The following MRPL2 variants were observed in gnomAD, a reference collection of about 807,000 sequenced individuals.
MRPL2 encodes the protein large ribosomal subunit protein uL2m.
In MRPL2, 27 loss-of-function variants were observed where a neutral mutation model predicts 34.6. The ratio of observed to expected loss-of-function variants is 0.78; its 90% CI spans 0.58 to 1.08. MRPL2 has a LOEUF of 1.08. Among genes scored for constraint, MRPL2 ranks in the 50% least tolerant of loss-of-function variants. The pLI is 0.00. For missense variants in MRPL2, 414 were observed against 419.3 expected, an observed-to-expected ratio of 0.99 and a Z score of 0.11; for synonymous variants, 155 against 158.0, an observed-to-expected ratio of 0.98 and a Z score of 0.14.
In MRPL2 at chr6:43,054,476, G is replaced by A; in HGVS notation, c.716C>T (p.Thr239Met). 2.5e-6 allele frequency: 4 copies of A among 1,614,062 alleles called. No individual in the cohort carries two copies. Among genetic ancestry groups the A allele is most frequent in the South Asian group, 1.1e-5 (1 of 91,074 alleles). ...PSKRQMQVLE[T>M]CVATVGRVSN... The stretch of plus-strand genomic sequence containing the variant: ...TACTCGGCCTACTGTTGCTACGCAC[G>A]TTTCCAGCACCTGACAGAGAAAACA... Residue 239 changes from threonine (T) to methionine (M), a missense_variant, in exon 7 of 7, where the codon ACG becomes ATG. Transcript: ENST00000388752.
rs201420185 is a variant in MRPL2, at chr6:43,054,357, C to T, written c.835G>A (p.Gly279Arg). 2.5e-6 allele frequency: 4 copies of T among 1,614,082 alleles called. No individual in the cohort carries two copies. The South Asian group carries it at 3.3e-5, about 13-fold the overall frequency. ...RPNSGRWHRKGGWAGRKIRPL... is the reference protein window; with the variant it reads ...RPNSGRWHRKRGWAGRKIRPL... ...CGAATCTTTCGGCCAGCCCAGCCCC[C>T]CTTGCGGTGCCACCGCCCACTGTTA... The change falls in exon 7 of 7, where the codon GGG becomes AGG. Residue 279 changes from glycine to arginine, a missense_variant. Physicochemically the swap from Gly to Arg is moderately radical, Grantham distance 125. Coordinates refer to ENST00000388752, the MANE Select transcript of MRPL2 (RefSeq NM_015950.5).
intron 6 of MRPL2, 47 bp from the exon 7 acceptor site, chr6:43,054,533 G>A: frequency 6.4e-7 from 1 of 1,550,890 alleles, no homozygotes; most frequent in Non-Finnish European, 8.9e-7. Context: ...GGGGGAAAGA[G>A]CTTGACAATG....
intron 2 of MRPL2, 84 bp downstream of exon 2, chr6:43,057,981 G>C: frequency 6.8e-7 from 1 of 1,461,238 alleles, no homozygotes; most frequent in East Asian, 2.3e-5. Context: ...TGCCTTACAA[G>C]GTACAAGTGT....
intron 1 of MRPL2, 96 bp downstream of exon 1, chr6:43,059,190 C>T (rs1458835009): frequency 6.4e-7 from 1 of 1,550,758 alleles, no homozygotes; most frequent in African/African-American, 1.4e-5. Context: ...CTGCATGACT[C>T]CTGACCAGAC....
rs374274657 is a variant in MRPL2, at chr6:43,059,363, T to A, written c.19A>T (p.Thr7Ser). MALCAL[T>S]RALRSLNLAP... ...AGGTTCAGAGAGCGCAGAGCGCGGG[T>A]CAGTGCGCACAGGGCCATCAGCACG... The change falls in exon 1 of 7, where the codon ACC becomes TCC. Residue 7 changes from threonine (T) to serine (S), a missense_variant. Coordinates refer to ENST00000388752, the MANE Select transcript of MRPL2 (RefSeq NM_015950.5). 2 of 1,551,688 alleles carry A rather than the reference T, an allele frequency of 1.3e-6. No individual in the cohort carries two copies. The highest frequency in any genetic ancestry group is 2.7e-5 in the African/African-American group (2 of 72,962).
At position 43,054,313 on chromosome 6, in the gene MRPL2, C is replaced by G; in HGVS notation, c.879G>C (p.Lys293Asn). ...AAGCAGAAGGCAGCTTCACGTAACT[C>G]TTCATGGGGGGTAGTGGCCGAATCT... Reference protein sequence around the residue: ...GRKIRPLPPMKSYVKLPSASA... With the variant: ...GRKIRPLPPMNSYVKLPSASA... Residue 293 changes from lysine (K) to asparagine (N), a missense_variant, in exon 7 of 7, where the codon AAG (lysine) becomes AAC (asparagine). Physicochemically the swap from Lys to Asn is moderately conservative, Grantham distance 94. Coordinates refer to ENST00000388752, the MANE Select transcript of MRPL2 (RefSeq NM_015950.5). 6.2e-7 allele frequency: 1 copy of G among 1,611,718 alleles called. No individual in the cohort carries two copies. Among genetic ancestry groups the G allele is most frequent in the Non-Finnish European group, 8.5e-7 (1 of 1,179,500 alleles).
rs192442040 is a variant in MRPL2 at position 43,056,436 on chromosome 6, C to T, written c.275G>A (p.Arg92Gln). 143 of 1,614,140 alleles carry T rather than the reference C, an allele frequency of 8.9e-5. No individual in the cohort carries two copies. The Admixed American group carries it at 9.3e-4, about 11-fold the overall frequency. ...SGGRDHTGRI[R>Q]VHGIGGGHKQ... ...GTGGCCCCCGCCAATACCATGCACC[C>T]GGATTCGGCCTGTGGTTTAGGACAG... The change falls in exon 3 of 7, where the codon CGG (arginine) becomes CAG (glutamine). Residue 92 changes from arginine to glutamine, a missense_variant. By Grantham distance (43) the Arg-to-Gln change is conservative. Coordinates refer to ENST00000388752, the MANE Select transcript of MRPL2 (RefSeq NM_015950.5).
rs1288739533 is a variant in MRPL2 at position 43,054,198 on chromosome 6, CAAAA to C, written c.*72_*75del. On this transcript the variant is annotated 3_prime_UTR_variant, in exon 7 of 7. Transcript: ENST00000388752. The stretch of plus-strand genomic sequence containing the variant: ...AAAAAAAAAACAACAACAAAAAAAA[CAAAA>C]AACACCCAAAACAAAACCACAGTAA... The C allele has an allele frequency of 2.8e-6, 3 of 1,062,170 alleles. No individual in the cohort carries two copies. The highest frequency in any genetic ancestry group is 4.0e-6 in the Non-Finnish European group (3 of 751,360). The allele number at this position is 1,062,170 out of a possible 1,614,324, so 65.8% of individuals were successfully genotyped here. A position where few individuals can be genotyped will look rare whatever the true frequency, so the allele number is the denominator to read the frequency against.
Position 43,058,145 on chromosome 6 carries a change from T to C in MRPL2, c.185A>G (p.Asn62Ser), listed in dbSNP as rs1211141685. Residue 62 changes from asparagine (N) to serine (S), a missense_variant, in exon 2 of 7, where the codon AAC becomes AGC. Physicochemically the swap from Asn to Ser is conservative, Grantham distance 46. Coordinates refer to ENST00000388752, the MANE Select transcript of MRPL2 (RefSeq NM_015950.5). ...PVLTSVALNA[N>S]FVSWKSRTKY... ...GGTACGACTCTTCCAGGACACAAAG[T>C]TGGCATTAAGGGCCACAGAAGTAAG... The C allele has an allele frequency of 3.1e-6, 5 of 1,614,208 alleles. No homozygotes were observed. In the East Asian group the frequency reaches 6.7e-5, roughly 22 times the overall value.
At position 43,056,320 on chromosome 6, in the gene MRPL2, A is replaced by G. The variant is rs1212498924; in HGVS notation, c.391T>C (p.Tyr131His). The part of the protein sequence containing the change: ...PFEEKVIQVR[Y>H]DPCRSADIAL... Reference sequence around the variant, plus strand: ...TCCCAAACTTGCCTACAGGGATCATAGCGGACTTGGATAACCTTCTCCTCA... The same window carrying G: ...TCCCAAACTTGCCTACAGGGATCATGGCGGACTTGGATAACCTTCTCCTCA... The change falls in exon 3 of 7, where the codon TAT becomes CAT. Residue 131 changes from tyrosine (Y) to histidine (H), a missense_variant. Tyr to His is a moderately conservative substitution (Grantham distance 83). Transcript: ENST00000388752. 1 of 1,614,230 alleles carries G rather than the reference A, an allele frequency of 6.2e-7. No homozygotes were observed. Among genetic ancestry groups the G allele is most frequent in the Admixed American group, 1.7e-5 (1 of 60,024 alleles).
chr6:43,055,540 C>T lies in MRPL2; in HGVS notation c.705+5G>A, dbSNP rs779449929. The T allele has an allele frequency of 6.8e-6, 11 of 1,613,910 alleles. No individual in the cohort carries two copies. Among genetic ancestry groups the T allele is most frequent in the Admixed American group, 1.7e-5 (1 of 59,982 alleles). On this transcript the variant is annotated splice_donor_5th_base_variant and intron_variant, in intron 6 of 6. Transcript: ENST00000388752. ...CTGACCCCTCCCATCCATACCCATA[C>T]ACACCTGCATCTGCCTCTTAGAGGG... is the stretch of plus-strand genomic sequence containing the variant.
Position 43,056,058 on chromosome 6 carries a change from C to T in MRPL2, c.520+23G>A, listed in dbSNP as rs371116955. On this transcript the variant is annotated intron_variant, in intron 4 of 6. Coordinates refer to ENST00000388752, the MANE Select transcript of MRPL2 (RefSeq NM_015950.5). The stretch of plus-strand genomic sequence containing the variant: ...TAGAACTTTTGCTGCCTCCAGCCCA[C>T]ACATCTGGTAGCCATCTCTCACCTG... The T allele has an allele frequency of 1.9e-6, 3 of 1,614,164 alleles. No individual in the cohort carries two copies. The South Asian group carries it at 3.3e-5, about 18-fold the overall frequency.
intron 2 of MRPL2, among the ~76,000 whole-genome samples, chr6:43,057,347 A>AT (rs561923371): frequency 0.012 from 1,707 of 146,980 alleles, 38 homozygotes; most frequent in African/African-American, 0.04. Flanking sequence ...CACCTGGTTA[A>AT]TTTTTTTTTT....
intron 2 of MRPL2, 141 bp from the exon 3 acceptor site, chr6:43,056,586 C>T (rs1764887117): frequency 5.4e-6 from 5 of 921,360 alleles, no homozygotes; most frequent in Non-Finnish European, 8.2e-6. Flanking sequence ...GCACAGCACA[C>T]TGGAGTAAGG....
Position 43,059,315 on chromosome 6 carries a change from G to T in MRPL2, c.67C>A (p.Pro23Thr), listed in dbSNP as rs1227803621. 6.4e-7 allele frequency: 1 copy of T among 1,551,966 alleles called. No homozygotes were observed. Among genetic ancestry groups the T allele is most frequent in the Non-Finnish European group, 8.7e-7 (1 of 1,147,320 alleles). ...LNLAPPTVAAPAPSLFPAAQM... is the reference protein window; with the variant it reads ...LNLAPPTVAATAPSLFPAAQM... ...GCGGCGGGGAACAGACTCGGGGCAG[G>T]GGCGGCGACGGTCGGGGGCGCCAGG... The change falls in exon 1 of 7, where the codon CCT becomes ACT. Residue 23 changes from proline to threonine, a missense_variant. By Grantham distance (38) the Pro-to-Thr change is conservative (BLOSUM62 -1). Coordinates refer to ENST00000388752, the MANE Select transcript of MRPL2 (RefSeq NM_015950.5).
upstream of MRPL2, chr6:43,059,529 G>T: frequency 2.1e-6 from 3 of 1,429,132 alleles, no homozygotes; most frequent in Non-Finnish European, 2.7e-6. Flanking sequence ...CTACCTGAAC[G>T]CCGTGAGAGC....
rs200586975 is a variant in MRPL2 at position 43,059,328 on chromosome 6, C to T, written c.54G>A (p.Pro18=). The T allele has an allele frequency of 8.4e-6, 13 of 1,551,834 alleles. No individual in the cohort carries two copies. Among genetic ancestry groups the T allele is most frequent in the Non-Finnish European group, 1.1e-5 (13 of 1,147,402 alleles). ...GACTCGGGGCAGGGGCGGCGACGGT[C>T]GGGGGCGCCAGGTTCAGAGAGCGCA... ...RALRSLNLAP[P]TVAAPAPSLF... The change falls in exon 1 of 7, where the codon CCG becomes CCA. Residue 18 remains proline (P), a synonymous_variant. Coordinates refer to ENST00000388752, the MANE Select transcript of MRPL2 (RefSeq NM_015950.5).
rs1554140877 is a variant in MRPL2 at position 43,054,241 on chromosome 6, G to GGC, written c.*32_*33insGC. 2 of 1,347,156 alleles carry GGC rather than the reference G, an allele frequency of 1.5e-6. No homozygotes were observed. The highest frequency in any genetic ancestry group is 2.4e-5 in the East Asian group (1 of 42,030). The allele number at this position is 1,347,156 out of a possible 1,614,324, so 83.5% of individuals were successfully genotyped here. ...AAACCACAGTAACAGATTAAAACGG[G>GGC]GGGGGGGGGCATTTTATTAGAGTAC... On this transcript the variant is annotated 3_prime_UTR_variant, in exon 7 of 7. Transcript: ENST00000388752.
chr6:43,054,542 T>C (rs1764762831), intron 6 of MRPL2, 56 bp from the exon 7 acceptor site: 2 of 1,500,348 alleles, frequency 1.3e-6, no homozygotes, highest in Non-Finnish European at 1.8e-6. Flanking sequence ...AGCTTGACAA[T>C]GTTGAGAGCA....
Sources: allele counts gnomAD v4.1 joint callset (sites outside exome capture counted in the v4.1 genomes callset), GRCh38; gene constraint gnomAD v4.1.1; transcripts MANE v1.5; gene names NCBI Gene and HGNC (gene_info 2026-07-23, HGNC 2026-07-21).